CUX1: variants seen among roughly 807,000 people sequenced by gnomAD.
CUX1 encodes cut like homeobox 1.
CUX1 carries 31 observed loss-of-function variants against 158.8 expected under a neutral mutation model. That is an observed-to-expected ratio of 0.20 (90% CI 0.15 to 0.26). CUX1 has a LOEUF of 0.26. Among genes scored for constraint, CUX1 ranks in the 10% least tolerant of loss-of-function variants. The pLI, the probability that CUX1 is intolerant of heterozygous loss-of-function variation, is 1.00. For synonymous variants in CUX1, 879 were observed against 862.1 expected (o/e 1.02, Z -0.34); for missense variants, 1,589 against 2,014.6 (o/e 0.79, Z 4.04).
intron 14 of CUX1, among the ~76,000 whole-genome samples, chr7:102,268,413 A>G (rs1371391217): frequency 6.6e-6 from 1 of 151,196 alleles, no homozygotes; most frequent in Admixed American, 6.6e-5. Context: ...CTCCATATTC[A>G]TTGACCCTCC....
At chr7:101,999,291 T>C (rs1454670274) in intron 2 of CUX1, among the ~76,000 whole-genome samples, 1 of 140,182 alleles carries the variant, frequency 7.1e-6, no homozygotes, top group Non-Finnish European at 1.5e-5. Context: ...CCTGGACTCA[T>C]GTGATCCTCC....
At chr7:102,278,668 A>G (rs915554457) in intron 18 of CUX1, among the ~76,000 whole-genome samples, 1 of 146,864 alleles carries the variant, frequency 6.8e-6, no homozygotes, top group African/African-American at 2.5e-5. Context: ...AAAATAAAAT[A>G]AAATATAAAA....
At chr7:101,858,728 C>T (rs769717414) in intron 1 of CUX1, among the ~76,000 whole-genome samples, 18 of 145,662 alleles carry the variant, frequency 1.2e-4, no homozygotes, top group Non-Finnish European at 2.2e-4. Flanking sequence ...TGCAGTGGCA[C>T]GATCTTAGCT....
In CUX1 at chr7:102,145,052, A is replaced by C. The variant is rs970824347; in HGVS notation, c.675-13508A>C. Among the ~76,000 whole-genome samples the C allele has an allele frequency of 2.7e-5, 4 of 146,914 alleles. No individual in the cohort carries two copies. The East Asian group carries it at 7.9e-4, about 29-fold the overall frequency. ...CAGTGAGCCGAGATCGCACCACTGC[A>C]CTCCAACCTGGGCGACAGAGCAAGA... On this transcript the variant is annotated intron_variant, in intron 8 of 23. Transcript: ENST00000292535.
At chr7:101,986,874 T>A (rs191409017) in intron 2 of CUX1, among the ~76,000 whole-genome samples, 1 of 152,206 alleles carries the variant, frequency 6.6e-6, no homozygotes, top group Non-Finnish European at 1.5e-5. Flanking sequence ...AGGGCCCTGC[T>A]GCAGGGTCCT....
At chr7:101,939,466 C>A (rs1807429497) in intron 2 of CUX1, among the ~76,000 whole-genome samples, 1 of 152,050 alleles carries the variant, frequency 6.6e-6, no homozygotes, top group Non-Finnish European at 1.5e-5. Flanking sequence ...CCACACCTAA[C>A]CCTCGTCTGA....
chr7:102,202,277 A>C, intron 18 of CUX1, 73 bp downstream of exon 18: 1 of 1,522,104 alleles, frequency 6.6e-7, no homozygotes, highest in Non-Finnish European at 8.8e-7. Context: ...TCTATCCCGC[A>C]GCCTGTGACC....
intron 2 of CUX1, among the ~76,000 whole-genome samples, chr7:101,964,538 AT>A (rs1810907587): frequency 6.6e-6 from 1 of 152,100 alleles, no homozygotes; most frequent in Non-Finnish European, 1.5e-5. Flanking sequence ...GCTTTGCTTT[AT>A]TTCAAGTTTC....
chr7:101,871,151 A>G (rs752632866), intron 1 of CUX1, among the ~76,000 whole-genome samples: 1 of 152,110 alleles, frequency 6.6e-6, no homozygotes, highest in Non-Finnish European at 1.5e-5. Context: ...TGATCCTAGC[A>G]TCCGTGGTTC....
Position 102,204,415 on chromosome 7 carries a change from G to A in CUX1, c.2932G>A (p.Val978Ile). Residue 978 changes from valine to isoleucine, a missense_variant, in exon 19 of 24, where the codon GTC (valine) becomes ATC (isoleucine). Coordinates refer to ENST00000292535, the MANE Select transcript of CUX1 (RefSeq NM_181552.4). ...EKVLGLSQGSVSDMLSRPKPW... is the reference protein window; with the variant it reads ...EKVLGLSQGSISDMLSRPKPW... ...GGTGCTGGGCCTGTCCCAGGGCAGC[G>A]TCAGCGACATGCTGTCCCGACCGAA... is the stretch of plus-strand genomic sequence containing the variant. 6.2e-7 allele frequency: 1 copy of A among 1,613,586 alleles called. No individual in the cohort carries two copies. Among genetic ancestry groups the A allele is most frequent in the Non-Finnish European group, 8.5e-7 (1 of 1,180,028 alleles).
At chr7:101,955,921 C>G (rs749024049) in intron 2 of CUX1, among the ~76,000 whole-genome samples, 3 of 90,704 alleles carry the variant, frequency 3.3e-5, no homozygotes, top group East Asian at 4.0e-4. Flanking sequence ...CTGTGGCTCA[C>G]GCCTGTAATC....
chr7:102,022,950 C>T (rs1030136744), intron 2 of CUX1, among the ~76,000 whole-genome samples: 3 of 152,156 alleles, frequency 2.0e-5, no homozygotes, highest in African/African-American at 7.2e-5. Context: ...TGCAGTGGCT[C>T]AAGCCTGTAA....
chr7:101,888,115 C>A (rs7780749), intron 1 of CUX1, among the ~76,000 whole-genome samples: 1 of 151,890 alleles, frequency 6.6e-6, no homozygotes, highest in Non-Finnish European at 1.5e-5. Context: ...GGGGGGATCA[C>A]CTGAGGTCAG....
At chr7:101,818,605 A>G (rs968594628) in intron 1 of CUX1, among the ~76,000 whole-genome samples, 9 of 152,176 alleles carry the variant, frequency 5.9e-5, no homozygotes, top group Admixed American at 5.9e-4. Flanking sequence ...TCAAAACCAA[A>G]CCCCAAAACA....
Position 102,256,997 on chromosome 7 carries a change from G to C in CUX1, c.*7955G>C. The C allele has an allele frequency of 1.0e-6, 1 of 985,454 alleles. No individual in the cohort carries two copies. The highest frequency in any genetic ancestry group is 1.2e-6 in the Non-Finnish European group (1 of 829,960). 61.0% of individuals were successfully genotyped at this position (985,454 alleles called of 1,614,324 possible). ...AGGCAGAGGGCCCCTTTCCCCTATAGGTGGTTCAACGTGGAGGAAGGTTGG... is the reference window on the plus strand; with the variant it reads ...AGGCAGAGGGCCCCTTTCCCCTATACGTGGTTCAACGTGGAGGAAGGTTGG... On this transcript the variant is annotated 3_prime_UTR_variant, in exon 24 of 24. Coordinates refer to ENST00000292535, the MANE Select transcript of CUX1 (RefSeq NM_181552.4).
At chr7:101,988,453 G>A (rs560863667) in intron 2 of CUX1, among the ~76,000 whole-genome samples, 103 of 152,176 alleles carry the variant, frequency 6.8e-4, no homozygotes, top group African/African-American at 1.9e-3. Flanking sequence ...GTGCTTCTGC[G>A]CCAGCTCTTC....
chr7:101,857,331 TTTC>T (rs532106610), intron 1 of CUX1, among the ~76,000 whole-genome samples: 62 of 152,340 alleles, frequency 4.1e-4, no homozygotes, highest in African/African-American at 1.4e-3. Context: ...AAATAACTAT[TTTC>T]TTCTTCAGGA....
chr7:102,103,427 C>G (rs1658904761), intron 5 of CUX1, among the ~76,000 whole-genome samples: 1 of 108,710 alleles, frequency 9.2e-6, no homozygotes, highest in African/African-American at 3.6e-5. Context: ...TTCTCTCTCT[C>G]TCTCTCTCAC....
intron 22 of CUX1, among the ~76,000 whole-genome samples, chr7:102,234,756 C>CT (rs1799362813): frequency 9.6e-6 from 1 of 104,102 alleles, no homozygotes; most frequent in Non-Finnish European, 2.0e-5. Flanking sequence ...CCCCTCACTA[C>CT]TAAAAAAAAA....
Sources: gnomAD v4.1 joint callset for allele counts (sites outside exome capture counted in the v4.1 genomes callset) on GRCh38, gnomAD v4.1.1 for gene constraint, MANE v1.5 for transcripts, NCBI Gene and HGNC (gene_info 2026-07-23, HGNC 2026-07-21) for gene names.